TG: variants seen among roughly 807,000 people sequenced by gnomAD.
The protein encoded by TG is thyroid hormones.
TG carries 270 observed loss-of-function variants against 324.7 expected under a neutral mutation model. The observed-to-expected ratio is 0.83, with a 90% confidence interval of 0.75 to 0.92. The LOEUF (loss-of-function observed/expected upper bound fraction) is 0.92. Ranked by LOEUF, TG falls within the 40% of genes least tolerant of loss-of-function variation. The pLI, the probability that TG is intolerant of heterozygous loss-of-function variation, is 0.00. For missense variants in TG, 3,591 were observed against 3,456.4 expected, an observed-to-expected ratio of 1.04 and a Z score of -0.98; for synonymous variants, 1,401 against 1,327.0, an observed-to-expected ratio of 1.06 and a Z score of -1.21.
chr8:132,932,095 A>G (rs1822802314), intron 23 of TG, among the ~76,000 whole-genome samples: 1 of 144,670 alleles, frequency 6.9e-6, no homozygotes, highest in African/African-American at 2.5e-5. Flanking sequence ...CCCTGTCTCA[A>G]AAAATATTTT....
chr8:133,015,217 A>T (rs1006768771), intron 37 of TG, among the ~76,000 whole-genome samples: 4 of 152,106 alleles, frequency 2.6e-5, no homozygotes, highest in Admixed American at 6.5e-5. Flanking sequence ...AAATGACTTA[A>T]CATTGAGGTT....
At chr8:132,939,064 A>G (rs865817668) in intron 25 of TG, among the ~76,000 whole-genome samples, 55 of 151,392 alleles carry the variant, frequency 3.6e-4, no homozygotes, top group African/African-American at 1.3e-3. Context: ...AAAAAAAAAA[A>G]AAAAGCAGCC....
At chr8:132,954,971 G>A (rs1388423280) in intron 27 of TG, among the ~76,000 whole-genome samples, 1 of 152,188 alleles carries the variant, frequency 6.6e-6, no homozygotes, top group Non-Finnish European at 1.5e-5. Context: ...GGAAACACAT[G>A]GCCTCCTGAG....
intron 43 of TG, among the ~76,000 whole-genome samples, chr8:133,099,230 C>G (rs555257690): frequency 2.0e-5 from 3 of 152,328 alleles, no homozygotes; most frequent in African/African-American, 7.2e-5. Flanking sequence ...ACACCAATCA[C>G]AGGGCAGTGT....
At chr8:133,024,111 GGAGCTCAGT>G (rs1564083784) in intron 40 of TG, among the ~76,000 whole-genome samples, 1 of 152,238 alleles carries the variant, frequency 6.6e-6, no homozygotes, top group Admixed American at 6.5e-5. Flanking sequence ...ATGGGTCAGC[GGAGCTCAGT>G]GAGGCTGAGG....
chr8:132,901,305 G>A (rs1403822178), intron 15 of TG, 48 bp from the exon 16 acceptor site: 2 of 1,607,920 alleles, frequency 1.2e-6, no homozygotes, highest in Non-Finnish European at 8.5e-7. Context: ...CATCTGAGCA[G>A]GGAGTGGGCA....
intron 5 of TG, among the ~76,000 whole-genome samples, chr8:132,879,284 T>C (rs1321765623): frequency 2.0e-5 from 3 of 152,332 alleles, no homozygotes. Context: ...GACTGTGCTC[T>C]ATTGGAGTGG....
intron 10 of TG, among the ~76,000 whole-genome samples, chr8:132,890,352 G>C (rs1182896895): frequency 6.6e-6 from 1 of 151,896 alleles, no homozygotes; most frequent in Non-Finnish European, 1.5e-5. Context: ...CCCATTTTTG[G>C]GGGGGGTGCA....
chr8:133,026,396 G>C (rs10108641), intron 40 of TG, among the ~76,000 whole-genome samples: 22,631 of 152,216 alleles, frequency 0.15, 1,999 homozygotes, highest in African/African-American at 0.24. Context: ...TTTAAAAGGA[G>C]TCTTGGTTCC....
intron 41 of TG, chr8:133,038,471 A>G (rs1837488316): frequency 1.4e-6 from 2 of 1,393,620 alleles, no homozygotes; most frequent in East Asian, 2.3e-5. Context: ...GATCCCAGGC[A>G]ATAGTTGGAA....
Position 132,871,462 on chromosome 8 carries a change from A to G in TG, c.389A>G (p.Gln130Arg). The G allele has an allele frequency of 1.9e-6, 3 of 1,614,176 alleles. No individual in the cohort carries two copies. The highest frequency in any genetic ancestry group is 2.5e-6 in the Non-Finnish European group (3 of 1,180,028). The change falls in exon 4 of 48, where the codon CAG becomes CGG. Residue 130 changes from glutamine (Q) to arginine (R), a missense_variant. Gln to Arg is a conservative substitution (Grantham distance 43). Transcript: ENST00000220616. Reference sequence around the variant, plus strand: ...GATTCAGGGGACTACGCGCCTGTTCAGTGTGATGTGCAGCAGGTCCAGTGC... The same window carrying G: ...GATTCAGGGGACTACGCGCCTGTTCGGTGTGATGTGCAGCAGGTCCAGTGC... ...CQDSGDYAPVQCDVQQVQCWC... is the reference protein window; with the variant it reads ...CQDSGDYAPVRCDVQQVQCWC...
chr8:132,952,667 C>G (rs1439704587), intron 27 of TG, among the ~76,000 whole-genome samples: 1 of 152,118 alleles, frequency 6.6e-6, no homozygotes, highest in African/African-American at 2.4e-5. Flanking sequence ...AAATCACAAC[C>G]CAAAAGAACA....
chr8:133,112,691 C>T (rs1264238367), intron 43 of TG, among the ~76,000 whole-genome samples: 2 of 152,166 alleles, frequency 1.3e-5, no homozygotes, highest in African/African-American at 2.4e-5. Context: ...ACACATCCCC[C>T]AGAGAACTGC....
chr8:132,894,795 G>A (rs1419108634), intron 11 of TG, among the ~76,000 whole-genome samples: 1 of 152,194 alleles, frequency 6.6e-6, no homozygotes, highest in Non-Finnish European at 1.5e-5. Flanking sequence ...CTTTGAGCAG[G>A]CACTTACTGT....
chr8:133,099,913 G>T (rs1848994247), intron 43 of TG, among the ~76,000 whole-genome samples: 1 of 152,118 alleles, frequency 6.6e-6, no homozygotes, highest in South Asian at 2.1e-4. Flanking sequence ...CACCTGCCTT[G>T]CCTCTTATAA....
At chr8:133,050,955 TTTTA>T (rs374513177) in intron 41 of TG, 7 of 1,218,478 alleles carry the variant, frequency 5.7e-6, no homozygotes, top group African/African-American at 4.5e-5. Context: ...GCAAGGTGCT[TTTTA>T]TTCACAAGGA....
intron 35 of TG, among the ~76,000 whole-genome samples, chr8:132,990,789 C>G (rs951391240): frequency 6.6e-6 from 1 of 152,140 alleles, no homozygotes; most frequent in African/African-American, 2.4e-5. Flanking sequence ...ATAACCAGTA[C>G]TTTGTAGAGC....
intron 25 of TG, 51 bp from the exon 26 acceptor site, chr8:132,941,300 A>G: frequency 3.1e-6 from 5 of 1,609,306 alleles, no homozygotes; most frequent in Non-Finnish European, 4.3e-6. Flanking sequence ...GCTCTGTCCA[A>G]CTCTGCCATG....
chr8:132,963,096 T>C, intron 29 of TG, 22 bp downstream of exon 29: 1 of 1,611,652 alleles, frequency 6.2e-7, no homozygotes, highest in African/African-American at 1.3e-5. Context: ...CAAACCTTCT[T>C]ACACACTTGG....
Sources: allele counts gnomAD v4.1 joint callset (sites outside exome capture counted in the v4.1 genomes callset), GRCh38; gene constraint gnomAD v4.1.1; transcripts MANE v1.5; gene names NCBI Gene and HGNC (gene_info 2026-07-23, HGNC 2026-07-21).